DMXL1: variants seen among roughly 807,000 people sequenced by gnomAD.
The protein encoded by DMXL1 is Dmx like 1, also known as dmX-like protein 1.
In DMXL1, 99 loss-of-function variants were observed where a neutral mutation model predicts 319.2. That is an observed-to-expected ratio of 0.31 (90% CI 0.26 to 0.37). DMXL1 has a LOEUF of 0.37. Among genes scored for constraint, DMXL1 ranks in the 10% least tolerant of loss-of-function variants. The pLI, the probability that DMXL1 is intolerant of heterozygous loss-of-function variation, is 1.00. For missense variants in DMXL1, 3,745 were observed against 3,595.6 expected, an observed-to-expected ratio of 1.04 and a Z score of -1.06; for synonymous variants, 1,385 against 1,235.2, an observed-to-expected ratio of 1.12 and a Z score of -2.54.
chr5:119,121,516 A>C (rs972396714), intron 9 of DMXL1, among the ~76,000 whole-genome samples: 22 of 152,044 alleles, frequency 1.4e-4, no homozygotes, highest in African/African-American at 5.1e-4. Flanking sequence ...GCATCTGTTT[A>C]ACAAAGCACA....
At chr5:119,142,181 C>A (rs1301136069) in intron 13 of DMXL1, among the ~76,000 whole-genome samples, 1 of 152,040 alleles carries the variant, frequency 6.6e-6, no homozygotes, top group South Asian at 2.1e-4. Context: ...CTAGGCGATA[C>A]CATTCTGGAC....
intron 1 of DMXL1, among the ~76,000 whole-genome samples, chr5:119,096,420 C>T (rs1200716991): frequency 6.6e-6 from 1 of 152,134 alleles, no homozygotes; most frequent in Non-Finnish European, 1.5e-5. Context: ...AGGTGATCCG[C>T]CTGCCTCAGC....
At position 119,175,285 on chromosome 5, in the gene DMXL1, G is replaced by A. The variant is rs762576696; in HGVS notation, c.6706G>A (p.Ala2236Thr). Reference protein sequence around the residue: ...NKVYVMHTLAASLSACIYQCL... With the variant: ...NKVYVMHTLATSLSACIYQCL... Reference sequence around the variant, plus strand: ...GGTGTATGTAATGCATACTTTAGCAGCTTCACTTTCTGCTTGTATTTATCA... The same window carrying A: ...GGTGTATGTAATGCATACTTTAGCAACTTCACTTTCTGCTTGTATTTATCA... Residue 2236 changes from alanine (A) to threonine (T), a missense_variant, in exon 26 of 44, where the codon GCT (alanine) becomes ACT (threonine). Ala to Thr is a moderately conservative substitution (Grantham distance 58). This residue lies in a region of DMXL1 where 1,382 missense variants were observed against 1,269.5 expected (regional missense o/e 1.09). Coordinates refer to ENST00000539542, the MANE Select transcript of DMXL1 (RefSeq NM_001290321.3). 8.1e-6 allele frequency: 13 copies of A among 1,611,608 alleles called. No homozygotes were observed. In the South Asian group the frequency reaches 1.4e-4, roughly 18 times the overall value.
chr5:119,190,829 G>A (rs1474337728), intron 29 of DMXL1, among the ~76,000 whole-genome samples: 1 of 152,130 alleles, frequency 6.6e-6, no homozygotes. Flanking sequence ...AAAACTTTAC[G>A]TTAAAGGGAT....
At position 119,170,705 on chromosome 5, in the gene DMXL1, A is replaced by G. The variant is rs745988577; in HGVS notation, c.5914A>G (p.Asn1972Asp). ...TTTAGAGTTAAAATGGGACAGTGATAATGATGAAGAAAATGAGGATGTCCC... is the reference window on the plus strand; with the variant it reads ...TTTAGAGTTAAAATGGGACAGTGATGATGATGAAGAAAATGAGGATGTCCC... Reference protein sequence around the residue: ...DSLELKWDSDNDEENEDVPIS... With the variant: ...DSLELKWDSDDDEENEDVPIS... The change falls in exon 24 of 44, where the codon AAT becomes GAT. Residue 1972 changes from asparagine (N) to aspartate (D), a missense_variant. Physicochemically the swap from Asn to Asp is conservative, Grantham distance 23. This residue lies in a region of DMXL1 where 1,382 missense variants were observed against 1,269.5 expected (regional missense o/e 1.09). Coordinates refer to ENST00000539542, the MANE Select transcript of DMXL1 (RefSeq NM_001290321.3). The G allele has an allele frequency of 1.9e-5, 30 of 1,613,262 alleles. No individual in the cohort carries two copies. The highest frequency in any genetic ancestry group is 2.3e-5 in the Non-Finnish European group (27 of 1,179,856).
intron 10 of DMXL1, among the ~76,000 whole-genome samples, chr5:119,132,325 T>C (rs1040517044): frequency 6.6e-6 from 1 of 152,186 alleles, no homozygotes; most frequent in South Asian, 2.1e-4. Context: ...TATAGATTGC[T>C]GGATTGATTT....
chr5:119,148,765 C>A lies in DMXL1; in HGVS notation c.2938C>A (p.Pro980Thr), dbSNP rs757725658. ...AGHLSSSSIY[P>T]ACSAPYLLAT... ...ACATCTGAGTTCATCTTCTATATAT[C>A]CTGCATGCAGTGCTCCTTATTTATT... Residue 980 changes from proline (P) to threonine (T), a missense_variant, in exon 18 of 44, where the codon CCT becomes ACT. Coordinates refer to ENST00000539542, the MANE Select transcript of DMXL1 (RefSeq NM_001290321.3). 11 of 1,612,992 alleles carry A rather than the reference C, an allele frequency of 6.8e-6. No individual in the cohort carries two copies. Among genetic ancestry groups the A allele is most frequent in the Non-Finnish European group, 9.3e-6 (11 of 1,179,338 alleles).
chr5:119,144,513 CG>C, intron 14 of DMXL1, 22 bp from the exon 15 acceptor site: 1 of 1,493,450 alleles, frequency 6.7e-7, no homozygotes, highest in Non-Finnish European at 9.2e-7. Context: ...GGTCAACTTA[CG>C]TTGATATTTA....
intron 43 of DMXL1, among the ~76,000 whole-genome samples, chr5:119,245,718 T>A (rs1789626947): frequency 6.6e-6 from 1 of 151,962 alleles, no homozygotes; most frequent in South Asian, 2.1e-4. Flanking sequence ...TTTTTGTGTT[T>A]TAGTAGAGAT....
In DMXL1 at chr5:119,178,374, A is replaced by G. The variant is rs1581176693; in HGVS notation, c.7135+130A>G. The G allele has an allele frequency of 7.6e-6, 8 of 1,056,648 alleles. No individual in the cohort carries two copies. The East Asian group carries it at 2.1e-4, about 27-fold the overall frequency. 65.5% of individuals were successfully genotyped at this position (1,056,648 alleles called of 1,614,324 possible). ...GACCATTTGCGAAAAGCATAAACAA[A>G]TAGTCATACAGTGAAAATGCAGTAT... On this transcript the variant is annotated intron_variant, in intron 28 of 43. Transcript: ENST00000539542.
At chr5:119,136,351 T>G (rs1409733526) in intron 13 of DMXL1, among the ~76,000 whole-genome samples, 1 of 152,210 alleles carries the variant, frequency 6.6e-6, no homozygotes, top group East Asian at 1.9e-4. Flanking sequence ...TTATGTTAAC[T>G]TACGTTTAAA....
chr5:119,104,237 T>G (rs1757868331), intron 3 of DMXL1: 1 of 152,238 alleles, frequency 6.6e-6, no homozygotes, highest in East Asian at 1.9e-4. Flanking sequence ...TGTGGGATTG[T>G]GTCTATGCAC....
intron 37 of DMXL1, among the ~76,000 whole-genome samples, 163 bp from the exon 38 acceptor site, chr5:119,224,546 A>G (rs1431795941): frequency 6.6e-6 from 1 of 152,032 alleles, no homozygotes. Context: ...TAAGAGCTGC[A>G]CTATTAAATT....
intron 19 of DMXL1, among the ~76,000 whole-genome samples, chr5:119,154,379 A>G (rs1770536507): frequency 6.6e-6 from 1 of 152,254 alleles, no homozygotes; most frequent in African/African-American, 2.4e-5. Flanking sequence ...AACGTTCTCC[A>G]TTGAACACAT....
chr5:119,244,113 A>G (rs1454567754), intron 42 of DMXL1, among the ~76,000 whole-genome samples: 1 of 152,200 alleles, frequency 6.6e-6, no homozygotes, highest in Non-Finnish European at 1.5e-5. Context: ...TGCCATGGTC[A>G]GGAAACTCTA....
rs764165888 is a variant in DMXL1, at chr5:119,244,335, G to T, written c.8705-24G>T. 1.0e-3 allele frequency: 1,449 copies of T among 1,417,714 alleles called. 8 individuals are homozygous for T. The African/African-American group carries it at 0.019, about 18-fold the overall frequency. 87.8% of individuals were successfully genotyped at this position (1,417,714 alleles called of 1,614,324 possible). On this transcript the variant is annotated intron_variant, in intron 42 of 43. Transcript: ENST00000539542. Reference sequence around the variant, plus strand: ...ATTTCTTTTATTGTTAAGTGTTTTTGTTTTTTTTTTAATTTACTTTCAGCA... The same window carrying T: ...ATTTCTTTTATTGTTAAGTGTTTTTTTTTTTTTTTTAATTTACTTTCAGCA...
intron 38 of DMXL1, among the ~76,000 whole-genome samples, chr5:119,228,678 C>T (rs1786068167): frequency 6.6e-6 from 1 of 152,044 alleles, no homozygotes; most frequent in Admixed American, 6.6e-5. Flanking sequence ...ATTGCAAGGG[C>T]CCTTTGGAAA....
At chr5:119,185,538 T>G (rs1450482955) in intron 28 of DMXL1, among the ~76,000 whole-genome samples, 1 of 152,180 alleles carries the variant, frequency 6.6e-6, no homozygotes, top group African/African-American at 2.4e-5. Context: ...AGTCTCACTT[T>G]GTCACCCAGG....
rs1789402404 is a variant in DMXL1, at chr5:119,244,564, A to G, written c.8910A>G (p.Glu2970=). ...AGTACTTTGTTACAGGATCTGCCGA[A>G]GGCAATATAAAGGTAAACACAGTTG... ...TEEYFVTGSA[E]GNIKIWSLST... is the part of the protein sequence containing the mutation. Residue 2970 remains glutamate (E), a synonymous_variant, in exon 43 of 44, where the codon GAA becomes GAG. Coordinates refer to ENST00000539542, the MANE Select transcript of DMXL1 (RefSeq NM_001290321.3). 3 of 1,613,982 alleles carry G rather than the reference A, an allele frequency of 1.9e-6. No homozygotes were observed. Among genetic ancestry groups the G allele is most frequent in the Non-Finnish European group, 2.5e-6 (3 of 1,179,870 alleles).
Sources: gnomAD v4.1 joint callset for allele counts (sites outside exome capture counted in the v4.1 genomes callset) on GRCh38, gnomAD v4.1.1 for gene constraint, gnomAD v4.1.1 regional missense constraint, MANE v1.5 for transcripts, NCBI Gene and HGNC (gene_info 2026-07-23, HGNC 2026-07-21) for gene names.